Variants in BCAS3 observed in about 807,000 individuals in gnomAD.
BCAS3 encodes BCAS4/BCAS3 fusion.
BCAS3 carries 53 observed loss-of-function variants against 116.1 expected under a neutral mutation model. That is an observed-to-expected ratio of 0.46 (90% confidence interval 0.37 to 0.57). The LOEUF is 0.57. Ranked by LOEUF, BCAS3 falls within the 20% of genes least tolerant of loss-of-function variation. The pLI is 0.00. For synonymous variants in BCAS3, 391 were observed against 408.2 expected (o/e 0.96, Z 0.51); for missense variants, 917 against 1,165.4 (o/e 0.79, Z 3.10).
intron 14 of BCAS3, among the ~76,000 whole-genome samples, chr17:60,952,917 C>G (rs1167551290): frequency 6.6e-6 from 1 of 151,786 alleles, no homozygotes; most frequent in African/African-American, 2.4e-5. Flanking sequence ...CCCTCCAGCT[C>G]CATCCACGTT....
chr17:61,252,607 A>G (rs3785862), intron 22 of BCAS3, among the ~76,000 whole-genome samples: 15,814 of 152,062 alleles, frequency 0.1, 1,074 homozygotes, highest in South Asian at 0.18. Context: ...TGGGAATTAA[A>G]CAGTTGCTGA....
chr17:61,296,700 G>A (rs2052942031), intron 22 of BCAS3, among the ~76,000 whole-genome samples: 1 of 152,164 alleles, frequency 6.6e-6, no homozygotes, highest in Non-Finnish European at 1.5e-5. Flanking sequence ...GGCAGAGGAG[G>A]CATCCTGGAA....
In BCAS3 at chr17:60,924,518, CTTTTTTT is replaced by C; in HGVS notation, c.1087+30_1087+36del. 3 of 1,100,066 alleles carry C rather than the reference CTTTTTTT, an allele frequency of 2.7e-6. No homozygotes were observed. The highest frequency in any genetic ancestry group is 3.7e-6 in the Non-Finnish European group (3 of 801,656). The allele number at this position is 1,100,066 out of a possible 1,614,324, so 68.1% of individuals were successfully genotyped here. A position where few individuals can be genotyped will look rare whatever the true frequency, so the allele number is the denominator to read the frequency against. On this transcript the variant is annotated intron_variant, in intron 13 of 23. Coordinates refer to ENST00000407086, the MANE Select transcript of BCAS3 (RefSeq NM_017679.5). ...TACAAGTGGTAAGTTCGCTCTCTGT[CTTTTTTT>C]TTTTTTTTTTTGTAGACCATTTATA...
intron 22 of BCAS3, among the ~76,000 whole-genome samples, chr17:61,225,065 CAGTT>C (rs1317766109): frequency 6.6e-6 from 1 of 151,918 alleles, no homozygotes; most frequent in Non-Finnish European, 1.5e-5. Context: ...ATTTTGGTCT[CAGTT>C]GGCCACAGGA....
Position 61,261,479 on chromosome 17 carries a change from G to A in BCAS3, c.2426-106848G>A, listed in dbSNP as rs1003685293. ...CTTTCCAGATTGTGTGGGCCACACT[G>A]TAGCATTTTGTCCACATCTGTTTTC... On this transcript the variant is annotated intron_variant, in intron 22 of 23. Coordinates refer to ENST00000407086, the MANE Select transcript of BCAS3 (RefSeq NM_017679.5). This position sits in a 1 kb window ranked among gnomAD's most constrained non-coding sequence, Gnocchi z 4.4. Among the ~76,000 whole-genome samples, 4 of 152,158 alleles carry A rather than the reference G, an allele frequency of 2.6e-5. No individual in the cohort carries two copies. Among genetic ancestry groups the A allele is most frequent in the African/African-American group, 9.7e-5 (4 of 41,432 alleles).
intron 15 of BCAS3, among the ~76,000 whole-genome samples, chr17:60,992,855 A>G (rs1272076876): frequency 6.6e-6 from 1 of 152,154 alleles, no homozygotes; most frequent in Non-Finnish European, 1.5e-5. Context: ...TGTGTAGTAT[A>G]GGTTCTTTGG....
chr17:60,686,374 A>G (rs1013538045), intron 3 of BCAS3, among the ~76,000 whole-genome samples: 1 of 152,138 alleles, frequency 6.6e-6, no homozygotes, highest in Non-Finnish European at 1.5e-5. Context: ...TGGGTCTGCA[A>G]ATATCCTCCT....
At chr17:61,005,530 T>C (rs2064611002) in intron 15 of BCAS3, among the ~76,000 whole-genome samples, 1 of 152,108 alleles carries the variant, frequency 6.6e-6, no homozygotes, top group Non-Finnish European at 1.5e-5. Flanking sequence ...TTACAATCTG[T>C]TGCTCTTTCC....
chr17:60,947,460 T>C lies in BCAS3; in HGVS notation c.1221+108T>C, dbSNP rs992087039. On this transcript the variant is annotated intron_variant, in intron 14 of 23. Transcript: ENST00000407086. ...CTTAATGTTGATGTTTGTGAGAAAATATTGCTGTCTGTGATAGAATGGGTT... is the reference window on the plus strand; with the variant it reads ...CTTAATGTTGATGTTTGTGAGAAAACATTGCTGTCTGTGATAGAATGGGTT... 9 of 1,241,088 alleles carry C rather than the reference T, an allele frequency of 7.3e-6. No homozygotes were observed. In the African/African-American group the frequency reaches 1.3e-4, roughly 18 times the overall value. The allele number at this position is 1,241,088 out of a possible 1,614,324, so 76.9% of individuals were successfully genotyped here. A position where few individuals can be genotyped will look rare whatever the true frequency, so the allele number is the denominator to read the frequency against.
chr17:61,273,170 T>G (rs1473026196), intron 22 of BCAS3, among the ~76,000 whole-genome samples: 1 of 151,608 alleles, frequency 6.6e-6, no homozygotes, highest in Non-Finnish European at 1.5e-5. Flanking sequence ...TGCAGTGGCA[T>G]GATCATGGCT....
chr17:60,955,985 C>A (rs1220086789), intron 14 of BCAS3, among the ~76,000 whole-genome samples: 2 of 152,160 alleles, frequency 1.3e-5, no homozygotes, highest in African/African-American at 4.8e-5. Flanking sequence ...GTCTGCTGGT[C>A]TTCCTCACTG....
intron 22 of BCAS3, among the ~76,000 whole-genome samples, chr17:61,120,961 T>C (rs1054360503): frequency 1.5e-4 from 23 of 152,180 alleles, no homozygotes; most frequent in East Asian, 1.9e-4. Context: ...ATTTATCTTA[T>C]AGCATTTCCC....
At chr17:60,986,506 A>G (rs1204522962) in intron 14 of BCAS3, among the ~76,000 whole-genome samples, 4 of 152,086 alleles carry the variant, frequency 2.6e-5, no homozygotes, top group Non-Finnish European at 4.4e-5. Flanking sequence ...ATCGTTTGCT[A>G]TTACCTGTCT....
intron 12 of BCAS3, among the ~76,000 whole-genome samples, chr17:60,923,992 T>C (rs1307842264): frequency 6.6e-6 from 1 of 152,194 alleles, no homozygotes; most frequent in East Asian, 1.9e-4. Context: ...CATTCTTATA[T>C]TTCAATAAGG....
intron 13 of BCAS3, among the ~76,000 whole-genome samples, chr17:60,941,574 G>A (rs1450314603): frequency 6.6e-6 from 1 of 151,914 alleles, no homozygotes; most frequent in African/African-American, 2.4e-5. Context: ...TTAAAATTTT[G>A]TGAAAAAAGT....
At chr17:61,330,081 C>G (rs1476232986) in intron 22 of BCAS3, among the ~76,000 whole-genome samples, 2 of 152,152 alleles carry the variant, frequency 1.3e-5, no homozygotes, top group African/African-American at 4.8e-5. Flanking sequence ...CCGGAGGTCT[C>G]TTCTGAGTTG....
At chr17:60,819,252 A>C (rs2049717139) in intron 7 of BCAS3, among the ~76,000 whole-genome samples, 2 of 152,180 alleles carry the variant, frequency 1.3e-5, no homozygotes, top group African/African-American at 2.4e-5. Context: ...AACATTACAC[A>C]CCTGACTGAC....
intron 23 of BCAS3, among the ~76,000 whole-genome samples, chr17:61,385,241 G>GGTGCCA (rs2059788881): frequency 6.6e-6 from 1 of 152,156 alleles, no homozygotes. Context: ...CACCTCTCCA[G>GGTGCCA]GTGCCAGCGC....
intron 22 of BCAS3, among the ~76,000 whole-genome samples, chr17:61,099,371 A>G (rs559649578): frequency 1.3e-4 from 20 of 152,290 alleles, no homozygotes; most frequent in African/African-American, 4.3e-4. Flanking sequence ...ATCAACAATG[A>G]TAACCATTGT....
Sources: gnomAD v4.1 joint callset for allele counts (sites outside exome capture counted in the v4.1 genomes callset) on GRCh38, gnomAD v4.1.1 for gene constraint, Gnocchi (gnomAD v3.1) non-coding constraint, MANE v1.5 for transcripts, NCBI Gene and HGNC (gene_info 2026-07-23, HGNC 2026-07-21) for gene names.